TTC27: variants seen among roughly 807,000 people sequenced by gnomAD.
The protein encoded by TTC27 is tetratricopeptide repeat protein 27.
In TTC27, 79 loss-of-function variants were observed where a neutral mutation model predicts 115.9. The ratio of observed to expected loss-of-function variants is 0.68; its 90% CI spans 0.57 to 0.82. TTC27 has a LOEUF of 0.82. TTC27 is among the 40% of genes least tolerant of loss of function. The pLI, the probability that TTC27 is intolerant of heterozygous loss-of-function variation, is 0.00. For synonymous variants in TTC27, 401 were observed against 356.0 expected (o/e 1.13, Z -1.42); for missense variants, 1,054 against 993.1 (o/e 1.06, Z -0.82).
intron 13 of TTC27, among the ~76,000 whole-genome samples, chr2:32,766,721 G>C (rs1265848284): frequency 6.6e-6 from 1 of 152,198 alleles, no homozygotes; most frequent in African/African-American, 2.4e-5. Flanking sequence ...TAAGCACACA[G>C]TGTTGGAAAA....
At chr2:32,762,831 G>A (rs889090506) in intron 13 of TTC27, among the ~76,000 whole-genome samples, 36 of 152,088 alleles carry the variant, frequency 2.4e-4, no homozygotes, top group African/African-American at 6.5e-4. Flanking sequence ...TAGTAGAAAC[G>A]GGGTTTCGCC....
At chr2:32,631,595 C>T (rs2151857814) in intron 2 of TTC27, among the ~76,000 whole-genome samples, 1 of 152,220 alleles carries the variant, frequency 6.6e-6, no homozygotes, top group East Asian at 1.9e-4. Flanking sequence ...TCTGTGGCAA[C>T]CATGTCAAGC....
intron 10 of TTC27, among the ~76,000 whole-genome samples, chr2:32,714,411 G>C (rs1667689716): frequency 6.6e-6 from 1 of 152,040 alleles, no homozygotes; most frequent in African/African-American, 2.4e-5. Flanking sequence ...GCTTACCTCG[G>C]CCTCCCAAAG....
chr2:32,701,810 G>A (rs1572529140), intron 9 of TTC27, among the ~76,000 whole-genome samples: 1 of 151,978 alleles, frequency 6.6e-6, no homozygotes, highest in African/African-American at 2.4e-5. Context: ...ACTGATGCCA[G>A]CCTGGGCAAC....
At chr2:32,726,599 G>A (rs1368994943) in intron 10 of TTC27, among the ~76,000 whole-genome samples, 2 of 152,156 alleles carry the variant, frequency 1.3e-5, no homozygotes, top group African/African-American at 4.8e-5. Flanking sequence ...CAACAAGTCT[G>A]TAAGGAGTTC....
chr2:32,642,247 A>ATTTTTTTTTTTTTTTTTTTTTTTTTTTTT, intron 4 of TTC27, among the ~76,000 whole-genome samples: 1 of 102,154 alleles, frequency 9.8e-6, no homozygotes, highest in Non-Finnish European at 1.8e-5. Context: ...TATACACTAA[A>ATTTTTTTTTTTTTTTTTTTTTTTTTTTTT]TTTTTTTTTT....
chr2:32,702,921 G>T lies in TTC27; in HGVS notation c.1233+1G>T. On this transcript the variant is annotated splice_donor_variant, in intron 10 of 19. Coordinates refer to ENST00000317907, the MANE Select transcript of TTC27 (RefSeq NM_017735.5). LOFTEE classifies it high-confidence loss of function. ...GGAACGGGCAATGAGGCAGACACAG[G>T]TAAGAATTAATGTGGCAATTTGTGT... 2 of 1,611,044 alleles carry T rather than the reference G, an allele frequency of 1.2e-6. No homozygotes were observed. Among genetic ancestry groups the T allele is most frequent in the South Asian group, 1.1e-5 (1 of 90,970 alleles).
intron 16 of TTC27, among the ~76,000 whole-genome samples, chr2:32,804,001 C>A: frequency 7.2e-6 from 1 of 138,400 alleles, no homozygotes; most frequent in African/African-American, 2.8e-5. Flanking sequence ...AGCGAGACTC[C>A]ATCTCAATTA....
At chr2:32,731,011 A>G (rs992364087) in intron 10 of TTC27, among the ~76,000 whole-genome samples, 19 of 152,360 alleles carry the variant, frequency 1.2e-4, no homozygotes, top group Non-Finnish European at 2.2e-4. Context: ...TAAGGCAGGA[A>G]GAAATATTTT....
At chr2:32,796,942 G>A (rs1670722072) in intron 16 of TTC27, among the ~76,000 whole-genome samples, 1 of 151,902 alleles carries the variant, frequency 6.6e-6, no homozygotes, top group Non-Finnish European at 1.5e-5. Flanking sequence ...GGAGGATGAG[G>A]TGGGCAGATC....
chr2:32,664,378 A>G lies in TTC27; in HGVS notation c.716A>G (p.Tyr239Cys), dbSNP rs1665684890. 2.5e-6 allele frequency: 4 copies of G among 1,612,774 alleles called. No homozygotes were observed. The South Asian group carries it at 3.3e-5, about 13-fold the overall frequency. Residue 239 changes from tyrosine (Y) to cysteine (C), a missense_variant, in exon 6 of 20, where the codon TAT becomes TGT. Physicochemically the swap from Tyr to Cys is radical, Grantham distance 194. Transcript: ENST00000317907. ...ATTCAATTCCATCTGGAATGTGCAT[A>G]TGTGTTTTTATATTATTATGAGTAC... ...LAIQFHLECA[Y>C]VFLYYYEYRK...
chr2:32,683,281 G>A (rs369059295), intron 9 of TTC27, among the ~76,000 whole-genome samples: 15 of 152,032 alleles, frequency 9.9e-5, no homozygotes, highest in Admixed American at 1.3e-4. Context: ...GAGCCACCGC[G>A]CCCGGCCAAT....
At chr2:32,722,783 A>T (rs1667970393) in intron 10 of TTC27, among the ~76,000 whole-genome samples, 1 of 152,210 alleles carries the variant, frequency 6.6e-6, no homozygotes, top group South Asian at 2.1e-4. Flanking sequence ...TCAGTGTCTT[A>T]AGGCCTACAA....
intron 9 of TTC27, among the ~76,000 whole-genome samples, chr2:32,684,816 C>G (rs1435718513): frequency 6.6e-6 from 1 of 150,846 alleles, no homozygotes; most frequent in Non-Finnish European, 1.5e-5. Context: ...TATAGAGGAA[C>G]AAGCACAGTG....
intron 8 of TTC27, among the ~76,000 whole-genome samples, chr2:32,676,110 T>C (rs1418159087): frequency 1.3e-5 from 2 of 152,032 alleles, no homozygotes; most frequent in Non-Finnish European, 2.9e-5. Flanking sequence ...TGAATTCTTA[T>C]ACATTGTAGA....
intron 4 of TTC27, among the ~76,000 whole-genome samples, chr2:32,645,419 C>G (rs1664816048): frequency 6.6e-6 from 1 of 152,174 alleles, no homozygotes; most frequent in African/African-American, 2.4e-5. Context: ...ACTATTGTGA[C>G]TTCTCAGTCA....
chr2:32,676,053 A>G (rs980327142), intron 8 of TTC27, among the ~76,000 whole-genome samples: 1 of 151,956 alleles, frequency 6.6e-6, no homozygotes, highest in Non-Finnish European at 1.5e-5. Flanking sequence ...CAGCCTCCCA[A>G]AGTGCTGGGA....
intron 9 of TTC27, among the ~76,000 whole-genome samples, chr2:32,696,191 T>G (rs1450226049): frequency 1.3e-5 from 2 of 152,014 alleles, no homozygotes; most frequent in Non-Finnish European, 2.9e-5. Flanking sequence ...TCAAAGTTCA[T>G]CTGTGTTGTG....
chr2:32,703,726 T>G (rs770363192), intron 10 of TTC27, among the ~76,000 whole-genome samples: 2 of 152,212 alleles, frequency 1.3e-5, no homozygotes, highest in Non-Finnish European at 2.9e-5. Context: ...TTACACATTT[T>G]CTCTTAAACT....
Sources: allele counts gnomAD v4.1 joint callset (sites outside exome capture counted in the v4.1 genomes callset), GRCh38; gene constraint gnomAD v4.1.1; transcripts MANE v1.5; gene names NCBI Gene and HGNC (gene_info 2026-07-23, HGNC 2026-07-21).